PAK2: variants seen among roughly 807,000 people sequenced by gnomAD.
PAK2 encodes p21 (RAC1) activated kinase 2.
PAK2 carries 21 observed loss-of-function variants against 65.9 expected under a neutral mutation model. That is an observed-to-expected ratio of 0.32 (90% CI 0.23 to 0.46). The LOEUF (loss-of-function observed/expected upper bound fraction) is 0.46, where lower values mean the gene tolerates loss of function less well. Among genes scored for constraint, PAK2 ranks in the 20% least tolerant of loss-of-function variants. The probability of loss-of-function intolerance (pLI) is 1.00; values close to 1 mark genes in which losing one functional copy is unlikely to be tolerated. For synonymous variants in PAK2, 204 were observed against 219.7 expected (o/e 0.93, Z 0.63); for missense variants, 324 against 642.6 (o/e 0.50, Z 5.36).
intron 13 of PAK2, among the ~76,000 whole-genome samples, chr3:196,824,280 G>A (rs1247300994): frequency 6.6e-6 from 1 of 152,156 alleles, no homozygotes; most frequent in Non-Finnish European, 1.5e-5. Flanking sequence ...TTATCTGCCT[G>A]ATGGGGGGAA....
intron 1 of PAK2, among the ~76,000 whole-genome samples, chr3:196,750,886 A>G (rs1186240593): frequency 2.0e-5 from 3 of 152,118 alleles, no homozygotes; most frequent in Non-Finnish European, 4.4e-5. Context: ...AAATACATGT[A>G]ACATAAAATT....
chr3:196,767,503 G>T (rs1241453312), intron 1 of PAK2, among the ~76,000 whole-genome samples: 1 of 152,034 alleles, frequency 6.6e-6, no homozygotes, highest in Non-Finnish European at 1.5e-5. Flanking sequence ...TTGTTTGTTT[G>T]TTTGAGACGG....
At chr3:196,780,264 C>T (rs139595426) in intron 1 of PAK2, among the ~76,000 whole-genome samples, 85 of 152,324 alleles carry the variant, frequency 5.6e-4, no homozygotes, top group African/African-American at 2.0e-3. Flanking sequence ...CTAGTTACCC[C>T]CTCTCTTAGT....
At position 196,751,674 on chromosome 3, in the gene PAK2, C is replaced by CATATATATATATATATATATATAT. The variant is rs149522539; in HGVS notation, c.-22+11538_-22+11539insTATATATATATATATATATATATA. Among the ~76,000 whole-genome samples the CATATATATATATATATATATATAT allele has an allele frequency of 2.3e-3, 163 of 71,714 alleles. 5 individuals carry two copies. Among genetic ancestry groups the CATATATATATATATATATATATAT allele is most frequent in the African/African-American group, 0.011 (147 of 13,196 alleles). The allele number at this position is 71,714 out of a possible 152,430, so 47.0% of individuals were successfully genotyped here. ...AAAAACACACAAATTTATTTATATA[C>CATATATATATATATATATATATAT]ATATATATATATATATATATAATTC... On this transcript the variant is annotated intron_variant, in intron 1 of 14. Coordinates refer to ENST00000327134, the MANE Select transcript of PAK2 (RefSeq NM_002577.4).
chr3:196,807,198 C>T (rs758585921), intron 6 of PAK2, among the ~76,000 whole-genome samples: 2 of 152,142 alleles, frequency 1.3e-5, no homozygotes, highest in Admixed American at 1.3e-4. Flanking sequence ...ATTCTGCTCC[C>T]TTCAGTACTG....
At chr3:196,815,729 G>C (rs1560116423) in intron 11 of PAK2, among the ~76,000 whole-genome samples, 2 of 151,870 alleles carry the variant, frequency 1.3e-5, no homozygotes, top group South Asian at 2.1e-4. Context: ...GGAGGTCACA[G>C]TGAGCCGAGA....
intron 1 of PAK2, among the ~76,000 whole-genome samples, chr3:196,780,002 A>G (rs150980891): frequency 0.011 from 1,633 of 152,314 alleles, 16 homozygotes; most frequent in Non-Finnish European, 0.017. Flanking sequence ...TGTCTGTAGC[A>G]AGACAGGGCC....
intron 1 of PAK2, among the ~76,000 whole-genome samples, chr3:196,781,468 G>T (rs1714712140): frequency 6.6e-6 from 1 of 152,212 alleles, no homozygotes; most frequent in Non-Finnish European, 1.5e-5. Context: ...TTACCCAACT[G>T]CCTGGACAGG....
At chr3:196,782,233 A>C (rs1236280789) in intron 1 of PAK2, among the ~76,000 whole-genome samples, 3 of 151,978 alleles carry the variant, frequency 2.0e-5, no homozygotes, top group African/African-American at 4.8e-5. Context: ...TCTCTGCTCT[A>C]GAGGTGCACC....
At chr3:196,812,335 T>C in intron 9 of PAK2, 68 bp downstream of exon 9, 1 of 938,506 alleles carries the variant, frequency 1.1e-6, no homozygotes, top group Non-Finnish European at 1.8e-6. Flanking sequence ...TAGATGAAGC[T>C]GGGAAGAAGC....
At chr3:196,762,393 C>G (rs1714008139) in intron 1 of PAK2, among the ~76,000 whole-genome samples, 1 of 144,720 alleles carries the variant, frequency 6.9e-6, no homozygotes, top group African/African-American at 2.5e-5. Context: ...CCACTGCACT[C>G]CAGCCTGGGC....
rs911491563 is a variant in PAK2, at chr3:196,757,830, A to C, written c.-22+17673A>C. ...TACTCGCGTTAGATACTGAATAGTG[A>C]GAGTTTAGACTCACGACCTGGGGTG... On this transcript the variant is annotated intron_variant, in intron 1 of 14. Coordinates refer to ENST00000327134, the MANE Select transcript of PAK2 (RefSeq NM_002577.4). 3.3e-5 allele frequency among the ~76,000 whole-genome samples: 5 copies of C among 152,316 alleles called. No homozygotes were observed. The East Asian group carries it at 9.6e-4, about 29-fold the overall frequency.
intron 7 of PAK2, among the ~76,000 whole-genome samples, chr3:196,810,152 A>T (rs1715725787): frequency 6.6e-6 from 1 of 151,884 alleles, no homozygotes. Flanking sequence ...TAATAGATAT[A>T]TTCAAATATA....
In PAK2 at chr3:196,793,852, CT is replaced by C. The variant is rs199825111; in HGVS notation, c.188-8074del. ...AAGATAATCAAGAAAATTCTCCCTG[CT>C]GGAGCGGTGGCTCACACCTGTAATC... On this transcript the variant is annotated intron_variant, in intron 2 of 14. Coordinates refer to ENST00000327134, the MANE Select transcript of PAK2 (RefSeq NM_002577.4). Among the ~76,000 whole-genome samples the C allele has an allele frequency of 1.8e-4, 27 of 152,284 alleles. 1 individual carries two copies. The East Asian group carries it at 5.2e-3, about 29-fold the overall frequency.
chr3:196,814,684 A>C (rs1446623106), intron 11 of PAK2, 116 bp downstream of exon 11: 1 of 660,026 alleles, frequency 1.5e-6, no homozygotes, highest in East Asian at 3.0e-5. Flanking sequence ...CTCTGTATAC[A>C]TTCTCTGCAA....
At chr3:196,801,623 A>T (rs1173493195) in intron 2 of PAK2, among the ~76,000 whole-genome samples, 2 of 151,998 alleles carry the variant, frequency 1.3e-5, no homozygotes, top group Non-Finnish European at 2.9e-5. Context: ...CAGGTGGATC[A>T]GGAGTTTGAG....
chr3:196,744,464 A>G (rs1031789326), intron 1 of PAK2, among the ~76,000 whole-genome samples: 1 of 152,174 alleles, frequency 6.6e-6, no homozygotes, highest in Non-Finnish European at 1.5e-5. Context: ...ACCTGAGCTC[A>G]AGAGTTGGAG....
chr3:196,755,253 G>A (rs1318168550), intron 1 of PAK2, among the ~76,000 whole-genome samples: 1 of 152,052 alleles, frequency 6.6e-6, no homozygotes, highest in Non-Finnish European at 1.5e-5. Context: ...TTTTACCTCA[G>A]ATTGATAGAT....
chr3:196,789,616 C>T (rs917666072), intron 2 of PAK2, among the ~76,000 whole-genome samples: 4 of 152,100 alleles, frequency 2.6e-5, no homozygotes, highest in African/African-American at 9.7e-5. Flanking sequence ...GTGCACGCCA[C>T]CACGCCCAGC....
Sources: gnomAD v4.1 joint callset for allele counts (sites outside exome capture counted in the v4.1 genomes callset) on GRCh38, gnomAD v4.1.1 for gene constraint, MANE v1.5 for transcripts, NCBI Gene and HGNC (gene_info 2026-07-23, HGNC 2026-07-21) for gene names.